The following AGAP5 variants were observed in gnomAD, a reference collection of about 807,000 sequenced individuals.
AGAP5 encodes ArfGAP with GTPase domain, ankyrin repeat and PH domain 5, also known as arf-GAP with GTPase, ANK repeat and PH domain-containing protein 5.
In AGAP5, 8 loss-of-function variants were observed where a neutral mutation model predicts 27.7. That is an observed-to-expected ratio of 0.29 (90% CI 0.17 to 0.52). The LOEUF is 0.52. Among genes scored for constraint, AGAP5 ranks in the 20% least tolerant of loss-of-function variants. The pLI is 0.97. For synonymous variants in AGAP5, 111 were observed against 338.0 expected (o/e 0.33, Z 7.37); for missense variants, 285 against 880.8 (o/e 0.32, Z 8.56).
rs1451445035 is a variant in AGAP5, at chr10:73,675,445, C to A, written c.1215G>T (p.Lys405Asn). ...PHANKKKHLK[K>N]KSTNNFMIVS... ...CAATCATAAAGTTGTTGGTGCTTTT[C>A]TTCTTTAGGTGTTTCTTTTTATTGG... Residue 405 changes from lysine (K) to asparagine (N), a missense_variant, in exon 8 of 8, where the codon AAG becomes AAT. By Grantham distance (94) the Lys-to-Asn change is moderately conservative. Transcript: ENST00000374094. 2 of 1,613,896 alleles carry A rather than the reference C, an allele frequency of 1.2e-6. No homozygotes were observed. The highest frequency in any genetic ancestry group is 3.3e-5 in the Admixed American group (2 of 59,992).
In AGAP5 at chr10:73,698,044, G is replaced by A. The variant is rs2082179483; in HGVS notation, c.-289C>T. ...GTTGTGAACCCAACAAGCGCTGAGA[G>A]ACACAACAACTGCCTGAAGAGAGAA... On this transcript the variant is annotated 5_prime_UTR_variant, in exon 1 of 8. Coordinates refer to ENST00000374094, the MANE Select transcript of AGAP5 (RefSeq NM_001144000.4). 1 of 1,391,182 alleles carries A rather than the reference G, an allele frequency of 7.2e-7. No homozygotes were observed. Among genetic ancestry groups the A allele is most frequent in the Non-Finnish European group, 9.3e-7 (1 of 1,071,000 alleles). The allele number at this position is 1,391,182 out of a possible 1,614,324, so 86.2% of individuals were successfully genotyped here. A position where few individuals can be genotyped will look rare whatever the true frequency, so the allele number is the denominator to read the frequency against.
In AGAP5 at chr10:73,694,760, A is replaced by C. The variant is rs753676963; in HGVS notation, c.337T>G (p.Phe113Val). Residue 113 changes from phenylalanine to valine, a missense_variant, in exon 3 of 8, where the codon TTC (phenylalanine) becomes GTC (valine). Phe to Val is a conservative substitution (Grantham distance 50). Coordinates refer to ENST00000374094, the MANE Select transcript of AGAP5 (RefSeq NM_001144000.4). ...PSANPEASTI[F>V]QRNSQTDVVE... ...CCATCTGTTTGAGAGTTCCTCTGGA[A>C]TATTGTGCTTGCCTCTGGATTGGCA... The C allele has an allele frequency of 2.9e-5, 46 of 1,598,058 alleles. No homozygotes were observed. The South Asian group carries it at 4.0e-4, about 14-fold the overall frequency.
At chr10:73,693,335 G>A (rs1337341856) in intron 3 of AGAP5, among the ~76,000 whole-genome samples, 7 of 152,144 alleles carry the variant, frequency 4.6e-5, no homozygotes, top group Non-Finnish European at 1.0e-4. Flanking sequence ...TAATGGCAGT[G>A]GATTCCTTAT....
At chr10:73,678,046 A>G (rs2081994613) in intron 6 of AGAP5, among the ~76,000 whole-genome samples, 4 of 152,298 alleles carry the variant, frequency 2.6e-5, no homozygotes, top group Admixed American at 2.0e-4. Context: ...TCCGTGATTT[A>G]ACTGTGAACT....
chr10:73,694,921 C>T (rs576169694), intron 2 of AGAP5, 117 bp from the exon 3 acceptor site: 1 of 1,570,130 alleles, frequency 6.4e-7, no homozygotes, highest in East Asian at 2.2e-5. Context: ...GATTCTTATA[C>T]ATTGAAATGA....
chr10:73,676,496 A>G (rs2081981539), intron 7 of AGAP5, among the ~76,000 whole-genome samples: 1 of 149,006 alleles, frequency 6.7e-6, no homozygotes, highest in African/African-American at 2.5e-5. Flanking sequence ...AAAAAAAAAA[A>G]GATACATTTT....
At chr10:73,678,982 T>C (rs2082002847) in intron 6 of AGAP5, among the ~76,000 whole-genome samples, 1 of 150,882 alleles carries the variant, frequency 6.6e-6, no homozygotes, top group Admixed American at 6.6e-5. Context: ...GCCTCCCAAG[T>C]AACTGGGACT....
intron 3 of AGAP5, among the ~76,000 whole-genome samples, chr10:73,693,684 G>A (rs2082137557): frequency 1.3e-5 from 2 of 149,484 alleles, no homozygotes; most frequent in South Asian, 2.1e-4. Flanking sequence ...GGGCAACAGA[G>A]TGAGACTCCA....
chr10:73,675,474 G>A lies in AGAP5; in HGVS notation c.1186C>T (p.His396Tyr), dbSNP rs1383788999. 6.2e-7 allele frequency: 1 copy of A among 1,613,536 alleles called. No individual in the cohort carries two copies. The highest frequency in any genetic ancestry group is 8.5e-7 in the Non-Finnish European group (1 of 1,179,752). ...SPKLNPPPSP[H>Y]ANKKKHLKKK... ...TTTAGGTGTTTCTTTTTATTGGCAT[G>A]AGGAGAGGGGGGCGGGTTGAGCTTG... Residue 396 changes from histidine to tyrosine, a missense_variant, in exon 8 of 8, where the codon CAT becomes TAT. Coordinates refer to ENST00000374094, the MANE Select transcript of AGAP5 (RefSeq NM_001144000.4).
intron 3 of AGAP5, among the ~76,000 whole-genome samples, chr10:73,693,573 C>G (rs1041618135): frequency 3.3e-5 from 5 of 151,988 alleles, no homozygotes; most frequent in African/African-American, 1.2e-4. Context: ...ATTGTGCCCA[C>G]CTATAGTCCC....
At chr10:73,686,209 C>T (rs1399455815) in intron 4 of AGAP5, among the ~76,000 whole-genome samples, 1 of 152,196 alleles carries the variant, frequency 6.6e-6, no homozygotes, top group African/African-American at 2.4e-5. Flanking sequence ...AAAATAGGCA[C>T]ATACACCAAT....
At chr10:73,692,753 C>T (rs1456128992) in intron 3 of AGAP5, among the ~76,000 whole-genome samples, 1 of 146,834 alleles carries the variant, frequency 6.8e-6, no homozygotes, top group Non-Finnish European at 1.5e-5. Flanking sequence ...AGCAATTCTT[C>T]AGCCTTAGCC....
chr10:73,678,123 C>A (rs2081995259), intron 6 of AGAP5, among the ~76,000 whole-genome samples: 1 of 151,878 alleles, frequency 6.6e-6, no homozygotes, highest in Non-Finnish European at 1.5e-5. Context: ...CGCAGTGGCT[C>A]ACGCCTGTAA....
In AGAP5 at chr10:73,675,030, A is replaced by T; in HGVS notation, c.1630T>A (p.Trp544Arg). ...SIGNDLANSI[W>R]EGSSQGQTKP... is the part of the protein sequence containing the mutation. ...GTCTGCCCCTGGCTGCTCCCTTCCC[A>T]GATGCTGTTGGCTAGGTCATTGCCA... Residue 544 changes from tryptophan to arginine, a missense_variant, in exon 8 of 8, where the codon TGG (tryptophan) becomes AGG (arginine). By Grantham distance (101) the Trp-to-Arg change is moderately radical. Coordinates refer to ENST00000374094, the MANE Select transcript of AGAP5 (RefSeq NM_001144000.4). 1 of 1,612,502 alleles carries T rather than the reference A, an allele frequency of 6.2e-7. No individual in the cohort carries two copies. The highest frequency in any genetic ancestry group is 8.5e-7 in the Non-Finnish European group (1 of 1,179,794).
At chr10:73,677,927 G>A (rs1461916667) in intron 6 of AGAP5, among the ~76,000 whole-genome samples, 12 of 151,280 alleles carry the variant, frequency 7.9e-5, no homozygotes, top group African/African-American at 1.7e-4. Flanking sequence ...TCTTAAGAAC[G>A]TCTTTGATGA....
chr10:73,698,027 C>A lies in AGAP5; in HGVS notation c.-272G>T. 7.0e-7 allele frequency: 1 copy of A among 1,419,228 alleles called. No individual in the cohort carries two copies. The highest frequency in any genetic ancestry group is 1.5e-5 in the South Asian group (1 of 68,386). 87.9% of individuals were successfully genotyped at this position (1,419,228 alleles called of 1,614,324 possible). On this transcript the variant is annotated 5_prime_UTR_variant, in exon 1 of 8. Transcript: ENST00000374094. ...GCTGGCTTATTTAATAGGTTGTGAA[C>A]CCAACAAGCGCTGAGAGACACAACA...
rs1191814793 is a variant in AGAP5 at position 73,679,249 on chromosome 10, G to C, written c.533+822C>G. 3.3e-5 allele frequency among the ~76,000 whole-genome samples: 5 copies of C among 151,844 alleles called. No individual in the cohort carries two copies. In the South Asian group the frequency reaches 1.0e-3, roughly 32 times the overall value. The stretch of plus-strand genomic sequence containing the variant: ...ACAATCTCAGCTCTCTGCAACCTCC[G>C]CCTCCCAAGTTCAAGCGGTTCTCCT... On this transcript the variant is annotated intron_variant, in intron 6 of 7. Transcript: ENST00000374094.
intron 5 of AGAP5, among the ~76,000 whole-genome samples, chr10:73,680,594 G>C (rs937736565): frequency 2.1e-5 from 3 of 142,630 alleles, no homozygotes; most frequent in East Asian, 2.1e-4. Flanking sequence ...ATTTTTTTTG[G>C]GGGGGGTGGG....
chr10:73,689,684 C>T (rs1456852089), intron 4 of AGAP5, among the ~76,000 whole-genome samples: 1 of 151,884 alleles, frequency 6.6e-6, no homozygotes, highest in Admixed American at 6.6e-5. Context: ...GCCGCCCCGT[C>T]TGAGAAGTGA....
Sources: allele counts gnomAD v4.1 joint callset (sites outside exome capture counted in the v4.1 genomes callset), GRCh38; gene constraint gnomAD v4.1.1; transcripts MANE v1.5; gene names NCBI Gene and HGNC (gene_info 2026-07-23, HGNC 2026-07-21).